The following UNC13C variants were observed in gnomAD, a reference collection of about 807,000 sequenced individuals.
UNC13C encodes unc-13 homolog C.
A neutral mutation model predicts 245.4 loss-of-function variants in UNC13C; 174 were observed. That is an observed-to-expected ratio of 0.71 (90% CI 0.63 to 0.80). The LOEUF is 0.80. Ranked by LOEUF, UNC13C falls within the 30% of genes least tolerant of loss-of-function variation. The pLI is 0.00. For missense variants in UNC13C, 2,829 were observed against 2,602.9 expected (o/e 1.09, Z -1.89); for synonymous variants, 992 against 895.1 (o/e 1.11, Z -1.93).
intron 29 of UNC13C, among the ~76,000 whole-genome samples, chr15:54,557,637 G>C (rs1257136417): frequency 6.6e-6 from 1 of 151,734 alleles, no homozygotes; most frequent in Non-Finnish European, 1.5e-5. Flanking sequence ...GATGACCTTA[G>C]ACCAAAGGAG....
chr15:53,877,056 T>C, the UNC13C span, among the ~76,000 whole-genome samples: 54 of 152,302 alleles, frequency 3.5e-4, no homozygotes, highest in Non-Finnish European at 6.2e-4. Flanking sequence ...TCAACTTTAG[T>C]AGGTAAGTTG....
At chr15:54,439,632 C>G (rs1596377001) in intron 19 of UNC13C, among the ~76,000 whole-genome samples, 1 of 151,680 alleles carries the variant, frequency 6.6e-6, no homozygotes, top group East Asian at 1.9e-4. Flanking sequence ...CATATTGATA[C>G]AAAGTCTCAA....
chr15:53,960,879 A>G, the UNC13C span, among the ~76,000 whole-genome samples: 10 of 152,236 alleles, frequency 6.6e-5, no homozygotes, highest in Non-Finnish European at 1.5e-4. Context: ...CTGATTTTAT[A>G]TATCACAGAC....
chr15:54,382,276 C>G (rs1335298679), intron 17 of UNC13C, among the ~76,000 whole-genome samples: 1 of 152,114 alleles, frequency 6.6e-6, no homozygotes, highest in Non-Finnish European at 1.5e-5. Flanking sequence ...TAGCACCAAA[C>G]AACTACATAA....
chr15:54,257,898 G>A (rs879442878), intron 8 of UNC13C, among the ~76,000 whole-genome samples: 12 of 152,154 alleles, frequency 7.9e-5, no homozygotes, highest in Non-Finnish European at 1.8e-4. Context: ...GAAATGGGTA[G>A]GGAATGGCAA....
At chr15:54,012,339 A>T (rs1430667550) in intron 1 of UNC13C, among the ~76,000 whole-genome samples, 1 of 152,194 alleles carries the variant, frequency 6.6e-6, no homozygotes, top group Non-Finnish European at 1.5e-5. Flanking sequence ...TATGAAGTCA[A>T]TATGGCTGTA....
At chr15:54,169,481 C>G (rs769487376) in intron 4 of UNC13C, among the ~76,000 whole-genome samples, 4 of 152,150 alleles carry the variant, frequency 2.6e-5, no homozygotes, top group African/African-American at 4.8e-5. Flanking sequence ...ATTGCCTACT[C>G]GAGTTTCCAG....
chr15:54,262,442 T>C (rs960126452), intron 8 of UNC13C, among the ~76,000 whole-genome samples: 21 of 152,228 alleles, frequency 1.4e-4, no homozygotes, highest in African/African-American at 4.6e-4. Flanking sequence ...TTCCATTTAG[T>C]GAATATTAAC....
At chr15:54,216,420 A>G (rs1194089574) in intron 4 of UNC13C, among the ~76,000 whole-genome samples, 1 of 152,010 alleles carries the variant, frequency 6.6e-6, no homozygotes, top group Non-Finnish European at 1.5e-5. Context: ...AAAAAATGTC[A>G]GGGAAAATAA....
At chr15:54,592,726 TTG>T (rs1363943344) in intron 30 of UNC13C, among the ~76,000 whole-genome samples, 1 of 152,158 alleles carries the variant, frequency 6.6e-6, no homozygotes, top group Non-Finnish European at 1.5e-5. Flanking sequence ...GATAGTTGGT[TTG>T]TGAGTTCTTA....
intron 14 of UNC13C, among the ~76,000 whole-genome samples, chr15:54,327,535 A>G (rs962601021): frequency 2.0e-4 from 30 of 152,120 alleles, no homozygotes; most frequent in African/African-American, 7.0e-4. Context: ...TGTGATGTAA[A>G]AGCAAAAATT....
At chr15:54,056,624 T>A (rs1436113234) in intron 2 of UNC13C, among the ~76,000 whole-genome samples, 1 of 152,024 alleles carries the variant, frequency 6.6e-6, no homozygotes, top group African/African-American at 2.4e-5. Context: ...ACAAAGATAC[T>A]CCTCGACAAG....
chr15:54,223,272 C>T (rs10851560), intron 4 of UNC13C, among the ~76,000 whole-genome samples: 7,099 of 152,030 alleles, frequency 0.047, 321 homozygotes, highest in East Asian at 0.23. Flanking sequence ...TTTTCGTATA[C>T]GGTGAGGGAT....
chr15:54,003,853 A>T (rs1895013281), intron 1 of UNC13C, among the ~76,000 whole-genome samples: 1 of 152,150 alleles, frequency 6.6e-6, no homozygotes, highest in Non-Finnish European at 1.5e-5. Context: ...TCTACTAAAA[A>T]TACAAAAAAT....
chr15:54,235,807 G>A (rs757590488), intron 5 of UNC13C, among the ~76,000 whole-genome samples: 1 of 152,074 alleles, frequency 6.6e-6, no homozygotes, highest in African/African-American at 2.4e-5. Context: ...CCGAGATTGC[G>A]CCACTGCACT....
Position 54,506,248 on chromosome 15 carries a change from TA to T in UNC13C, c.5302-868del, listed in dbSNP as rs1894469032. ...TGTTTATATGTTGTTGTGTATGCAA[TA>T]CAATATAATAATTCTTCAAGTTTAT... On this transcript the variant is annotated intron_variant, in intron 22 of 32. Coordinates refer to ENST00000260323, the MANE Select transcript of UNC13C (RefSeq NM_001080534.3). Among the ~76,000 whole-genome samples, 24 of 152,286 alleles carry T rather than the reference TA, an allele frequency of 1.6e-4. 1 individual carries two copies. In the South Asian group the frequency reaches 5.0e-3, roughly 32 times the overall value.
At chr15:54,039,175 T>TTTCTTCAC (rs1388650215) in intron 2 of UNC13C, among the ~76,000 whole-genome samples, 1 of 152,218 alleles carries the variant, frequency 6.6e-6, no homozygotes, top group Non-Finnish European at 1.5e-5. Context: ...GTTTGTAATT[T>TTTCTTCAC]TTCTTCACTG....
At chr15:54,212,146 A>G (rs2140752760) in intron 4 of UNC13C, among the ~76,000 whole-genome samples, 1 of 152,204 alleles carries the variant, frequency 6.6e-6, no homozygotes, top group Non-Finnish European at 1.5e-5. Context: ...TGAAGTTTAC[A>G]AACAAACTTG....
chr15:54,575,615 C>G lies in UNC13C; in HGVS notation c.6106+7668C>G, dbSNP rs114405710. On this transcript the variant is annotated intron_variant, in intron 30 of 32. Transcript: ENST00000260323. ...TGGCCAAGGGCCACCGCTGAAATTTCAACTGGATAGCCACCTCTGGAAAAA... is the reference window on the plus strand; with the variant it reads ...TGGCCAAGGGCCACCGCTGAAATTTGAACTGGATAGCCACCTCTGGAAAAA... Among the ~76,000 whole-genome samples, 1,326 of 150,820 alleles carry G rather than the reference C, an allele frequency of 8.8e-3. 14 individuals carry two copies. The highest frequency in any genetic ancestry group is 0.03 in the African/African-American group (1,249 of 41,120).
Sources: gnomAD v4.1 joint callset for allele counts (sites outside exome capture counted in the v4.1 genomes callset) on GRCh38, gnomAD v4.1.1 for gene constraint, MANE v1.5 for transcripts, NCBI Gene and HGNC (gene_info 2026-07-23, HGNC 2026-07-21) for gene names.